The following CDH13 variants were observed in gnomAD, a reference collection of about 807,000 sequenced individuals.
The protein encoded by CDH13 is cadherin-13.
In CDH13, 24 loss-of-function variants were observed where a neutral mutation model predicts 63.8. That is an observed-to-expected ratio of 0.38 (90% CI 0.27 to 0.53). The LOEUF is 0.53. CDH13 is among the 20% of genes least tolerant of loss of function. The pLI is 0.85. For missense variants in CDH13, 1,049 were observed against 903.1 expected (o/e 1.16, Z -2.07); for synonymous variants, 503 against 355.3 (o/e 1.42, Z -4.67).
rs2074147015 is a variant in CDH13, at chr16:83,496,475, G to T, written c.960+9820G>T. On this transcript the variant is annotated intron_variant, in intron 7 of 13. Coordinates refer to ENST00000567109, the MANE Select transcript of CDH13 (RefSeq NM_001257.5). ...TAGCCATATGTAGAAAGCTGAAACT[G>T]GATCCCTTCCTTACACCTTATACAA... Among the ~76,000 whole-genome samples, 4 of 151,570 alleles carry T rather than the reference G, an allele frequency of 2.6e-5. No individual in the cohort carries two copies. The South Asian group carries it at 8.4e-4, about 32-fold the overall frequency.
intron 8 of CDH13, among the ~76,000 whole-genome samples, chr16:83,610,059 T>C (rs902799063): frequency 3.3e-5 from 5 of 152,256 alleles, no homozygotes; most frequent in African/African-American, 1.2e-4. Context: ...ACTTCATTTC[T>C]TTGTGTGGCT....
intron 2 of CDH13, among the ~76,000 whole-genome samples, chr16:82,961,208 T>A (rs9932204): frequency 2.0e-5 from 3 of 152,076 alleles, no homozygotes; most frequent in African/African-American, 7.2e-5. Flanking sequence ...AGAGATGAAG[T>A]GGGACTTCCC....
At chr16:83,098,552 C>G (rs376295786) in intron 3 of CDH13, among the ~76,000 whole-genome samples, 1 of 152,194 alleles carries the variant, frequency 6.6e-6, no homozygotes, top group East Asian at 1.9e-4. Context: ...TGATGAATTC[C>G]TTCGCCTTTT....
chr16:82,850,526 G>C (rs969141748), intron 1 of CDH13, among the ~76,000 whole-genome samples: 2 of 152,122 alleles, frequency 1.3e-5, no homozygotes, highest in African/African-American at 4.8e-5. Flanking sequence ...AGACAATAAA[G>C]GATTTAGAAT....
chr16:83,729,305 T>C (rs1010532501), intron 10 of CDH13, among the ~76,000 whole-genome samples: 1 of 152,184 alleles, frequency 6.6e-6, no homozygotes, highest in African/African-American at 2.4e-5. Context: ...ATAGTAAATA[T>C]ACCATCTATA....
intron 2 of CDH13, among the ~76,000 whole-genome samples, chr16:83,027,830 A>G (rs928096597): frequency 2.0e-5 from 3 of 152,124 alleles, no homozygotes; most frequent in East Asian, 1.9e-4. Context: ...GACTTTGCAT[A>G]TGTTATGGTT....
Position 82,630,700 on chromosome 16 carries a change from C to T in CDH13, c.45+3563C>T, listed in dbSNP as rs150724371. Among the ~76,000 whole-genome samples the T allele has an allele frequency of 1.1e-3, 164 of 152,230 alleles. 1 individual carries two copies. Among genetic ancestry groups the T allele is most frequent in the African/African-American group, 3.8e-3 (157 of 41,544 alleles). On this transcript the variant is annotated intron_variant, in intron 1 of 13. Transcript: ENST00000567109. ...TCTTGAAAACATCCTTATTTCCTTC[C>T]AAAAATACAATTGCTTGGGGAGTCT...
At chr16:83,198,076 G>C (rs2038925378) in intron 4 of CDH13, among the ~76,000 whole-genome samples, 1 of 152,060 alleles carries the variant, frequency 6.6e-6, no homozygotes, top group African/African-American at 2.4e-5. Context: ...TTTTAGTATA[G>C]TTAACTATCC....
At chr16:83,710,489 TTGG>T (rs1300157248) in intron 10 of CDH13, 2 of 152,114 alleles carry the variant, frequency 1.3e-5, no homozygotes, top group African/African-American at 4.8e-5. Context: ...TGCATTCCTC[TTGG>T]TGCCTCTTTT....
intron 1 of CDH13, chr16:82,826,026 T>G (rs1470393261): frequency 1.3e-5 from 2 of 152,032 alleles, no homozygotes; most frequent in Non-Finnish European, 2.9e-5. Flanking sequence ...GCTAATTTTT[T>G]GTATTTTTTT....
At chr16:82,861,755 C>T (rs1179503914) in intron 2 of CDH13, among the ~76,000 whole-genome samples, 1 of 152,084 alleles carries the variant, frequency 6.6e-6, no homozygotes, top group Non-Finnish European at 1.5e-5. Context: ...CTCTCCTTTC[C>T]ACTAACTGGA....
intron 4 of CDH13, among the ~76,000 whole-genome samples, chr16:83,134,476 T>C (rs1200713192): frequency 6.7e-6 from 1 of 149,752 alleles, no homozygotes; most frequent in Non-Finnish European, 1.5e-5. Context: ...AGGCATGAGA[T>C]GCTGTGCCCA....
chr16:83,174,042 T>C (rs2038026406), intron 4 of CDH13, among the ~76,000 whole-genome samples: 1 of 151,502 alleles, frequency 6.6e-6, no homozygotes, highest in Non-Finnish European at 1.5e-5. Context: ...GAGAGGGACT[T>C]ATGGGGAACA....
intron 2 of CDH13, among the ~76,000 whole-genome samples, chr16:83,004,135 C>T (rs778331217): frequency 3.9e-5 from 6 of 152,096 alleles, no homozygotes; most frequent in Non-Finnish European, 8.8e-5. Flanking sequence ...ATACTGAGTC[C>T]GACCAGCAGA....
chr16:83,447,274 G>A (rs1315268763), intron 6 of CDH13, among the ~76,000 whole-genome samples: 4 of 151,484 alleles, frequency 2.6e-5, no homozygotes, highest in Non-Finnish European at 4.4e-5. Context: ...AATTAGCCGG[G>A]CGTGGTGGTG....
chr16:82,848,538 C>G (rs2039356457), intron 1 of CDH13, among the ~76,000 whole-genome samples: 1 of 149,996 alleles, frequency 6.7e-6, no homozygotes, highest in South Asian at 2.1e-4. Flanking sequence ...TTGGTGATGT[C>G]TGATCAGTGA....
intron 4 of CDH13, among the ~76,000 whole-genome samples, chr16:83,148,796 C>T (rs1447084624): frequency 1.3e-5 from 2 of 152,072 alleles, no homozygotes; most frequent in Non-Finnish European, 2.9e-5. Context: ...TAATATTTAT[C>T]CTCAAAGACA....
intron 1 of CDH13, among the ~76,000 whole-genome samples, chr16:82,662,518 A>G (rs1014436168): frequency 2.0e-5 from 3 of 152,312 alleles, no homozygotes; most frequent in Non-Finnish European, 2.9e-5. Context: ...CCTGAGTGAG[A>G]TTGACCAGAT....
At chr16:83,012,482 C>G (rs1284137426) in intron 2 of CDH13, among the ~76,000 whole-genome samples, 1 of 152,024 alleles carries the variant, frequency 6.6e-6, no homozygotes, top group Non-Finnish European at 1.5e-5. Context: ...GCTAAATTTT[C>G]AAATGGTTTC....
Sources: allele counts gnomAD v4.1 joint callset (sites outside exome capture counted in the v4.1 genomes callset), GRCh38; gene constraint gnomAD v4.1.1; transcripts MANE v1.5; gene names NCBI Gene and HGNC (gene_info 2026-07-23, HGNC 2026-07-21).